NID2: variants seen among roughly 807,000 people sequenced by gnomAD.
NID2 encodes the protein nidogen-2.
A neutral mutation model predicts 145.4 loss-of-function variants in NID2; 83 were observed. That is an observed-to-expected ratio of 0.57 (90% CI 0.48 to 0.69). NID2 has a LOEUF of 0.69. Among genes scored for constraint, NID2 ranks in the 30% least tolerant of loss-of-function variants. The probability of loss-of-function intolerance (pLI) is 0.00; values close to 1 mark genes in which losing one functional copy is unlikely to be tolerated. For synonymous variants in NID2, 739 were observed against 701.3 expected (o/e 1.05, Z -0.85); for missense variants, 1,807 against 1,765.7 (o/e 1.02, Z -0.42).
chr14:52,037,765 C>T (rs994111256), intron 9 of NID2, among the ~76,000 whole-genome samples: 2 of 152,218 alleles, frequency 1.3e-5, no homozygotes, highest in African/African-American at 4.8e-5. Flanking sequence ...AGTATTAAGT[C>T]TTCCAATCCA....
intron 2 of NID2, among the ~76,000 whole-genome samples, chr14:52,066,940 T>C (rs1372227682): frequency 6.6e-6 from 1 of 152,208 alleles, no homozygotes; most frequent in East Asian, 1.9e-4. Context: ...TGGAATTTTT[T>C]ACTTTCCGCA....
chr14:52,012,920 T>TA (rs936448635), intron 16 of NID2, among the ~76,000 whole-genome samples: 4 of 152,154 alleles, frequency 2.6e-5, no homozygotes, highest in African/African-American at 9.7e-5. Flanking sequence ...TGGCTTCACT[T>TA]ACGCCCCCTG....
At position 52,038,911 on chromosome 14, in the gene NID2, T is replaced by G; in HGVS notation, c.2093A>C (p.Tyr698Ser). 6.8e-6 allele frequency: 11 copies of G among 1,614,116 alleles called. No homozygotes were observed. The highest frequency in any genetic ancestry group is 9.3e-6 in the Non-Finnish European group (11 of 1,180,024). The change falls in exon 9 of 22, where the codon TAC (tyrosine) becomes TCC (serine). Residue 698 changes from tyrosine (Y) to serine (S), a missense_variant. Physicochemically the swap from Tyr to Ser is moderately radical, Grantham distance 144. Transcript: ENST00000216286. ...GTAAGTGATGTTCTGGTGGATGCGG[T>G]AGGACCATGTTTGGTTGATTGCACC... ...TFGAINQTWS[Y>S]RIHQNITYQV...
intron 14 of NID2, among the ~76,000 whole-genome samples, chr14:52,017,855 T>C (rs187390398): frequency 6.6e-6 from 1 of 152,102 alleles, no homozygotes; most frequent in African/African-American, 2.4e-5. Context: ...AGTCTCACTC[T>C]GTTGCCAGGC....
chr14:52,061,333 GGTTA>G (rs1420475271), intron 2 of NID2, among the ~76,000 whole-genome samples: 1 of 152,106 alleles, frequency 6.6e-6, no homozygotes, highest in Admixed American at 6.5e-5. Flanking sequence ...CATTATGCTT[GGTTA>G]GTTGTTTATA....
chr14:52,011,881 A>G lies in NID2; in HGVS notation c.3421-198T>C, dbSNP rs1171362752. 1.0e-5 allele frequency: 6 copies of G among 596,250 alleles called. No homozygotes were observed. In the South Asian group the frequency reaches 1.0e-4, roughly 10 times the overall value. The allele number at this position is 596,250 out of a possible 1,614,324, so 36.9% of individuals were successfully genotyped here. ...ACTTAGTAGCCATGTGGCTTTGGGC[A>G]TTTAACCTCTATGCGTTTGTCTCAT... On this transcript the variant is annotated intron_variant, in intron 16 of 21. Transcript: ENST00000216286.
rs748833638 is a variant in NID2, at chr14:52,053,536, G to T, written c.1429+43C>A. ...TCACAACGCTATGCAAAACCAGCAT[G>T]GTTAAGATGAAACCTTAGCACCCAG... On this transcript the variant is annotated intron_variant, in intron 5 of 21. Coordinates refer to ENST00000216286, the MANE Select transcript of NID2 (RefSeq NM_007361.4). The T allele has an allele frequency of 2.0e-5, 32 of 1,564,280 alleles. No homozygotes were observed. The South Asian group carries it at 3.9e-4, about 19-fold the overall frequency.
At chr14:52,045,229 AG>A (rs1269114014) in intron 5 of NID2, among the ~76,000 whole-genome samples, 6 of 152,204 alleles carry the variant, frequency 3.9e-5, no homozygotes. Context: ...TGACTATTAC[AG>A]CATGTTGAAA....
At chr14:52,006,386 G>A in intron 20 of NID2, 151 bp downstream of exon 20, 6 of 787,784 alleles carry the variant, frequency 7.6e-6, no homozygotes, top group Non-Finnish European at 1.2e-5. Flanking sequence ...AAACATCCTT[G>A]AAGGATCTTA....
chr14:52,055,941 T>TCGTGTGTGTTTGTG (rs1892829878), intron 3 of NID2, among the ~76,000 whole-genome samples: 1 of 150,490 alleles, frequency 6.6e-6, no homozygotes, highest in Non-Finnish European at 1.5e-5. Context: ...TTGTGTGTGT[T>TCGTGTGTGTTTGTG]TGTGTGTGTG....
At chr14:52,068,415 C>A (rs1392210537) in intron 1 of NID2, among the ~76,000 whole-genome samples, 2 of 152,256 alleles carry the variant, frequency 1.3e-5, no homozygotes, top group African/African-American at 4.8e-5. Flanking sequence ...GCCCCATGTC[C>A]TCGGAGAGGA....
At chr14:52,011,397 T>C (rs1891013651) in intron 17 of NID2, among the ~76,000 whole-genome samples, 157 bp downstream of exon 17, 4 of 152,150 alleles carry the variant, frequency 2.6e-5, no homozygotes, top group Admixed American at 1.3e-4. Flanking sequence ...AGGTGTTTGC[T>C]TACAGAGGGG....
In NID2 at chr14:52,047,461, G is replaced by T. The variant is rs943954284; in HGVS notation, c.1430-4530C>A. 5.9e-5 allele frequency among the ~76,000 whole-genome samples: 9 copies of T among 152,106 alleles called. No homozygotes were observed. The East Asian group carries it at 1.7e-3, about 29-fold the overall frequency. On this transcript the variant is annotated intron_variant, in intron 5 of 21. Coordinates refer to ENST00000216286, the MANE Select transcript of NID2 (RefSeq NM_007361.4). Reference sequence around the variant, plus strand: ...AGGTGGCCTGGGTCATTCATGCAGGGTCTCAGAGATCACAGGAAGGATTTG... The same window carrying T: ...AGGTGGCCTGGGTCATTCATGCAGGTTCTCAGAGATCACAGGAAGGATTTG...
chr14:52,019,993 T>C, intron 13 of NID2, 66 bp downstream of exon 13: 1 of 1,589,702 alleles, frequency 6.3e-7, no homozygotes, highest in East Asian at 2.3e-5. Context: ...GAGTGGGCTG[T>C]CATAGAAAAA....
chr14:52,057,881 A>C (rs1892908430), intron 3 of NID2, among the ~76,000 whole-genome samples: 1 of 152,174 alleles, frequency 6.6e-6, no homozygotes, highest in Non-Finnish European at 1.5e-5. Context: ...GTGAAATAGA[A>C]GATTATATTG....
chr14:52,030,567 A>AAGAAAGAAAGAAG (rs1185429260), intron 9 of NID2, among the ~76,000 whole-genome samples: 1 of 99,272 alleles, frequency 1.0e-5, no homozygotes, highest in African/African-American at 3.9e-5. Flanking sequence ...AAAGAAAGAA[A>AAGAAAGAAAGAAG]GGAAGGAAGG....
intron 5 of NID2, 42 bp from the exon 6 acceptor site, chr14:52,042,973 TC>T: frequency 6.2e-7 from 1 of 1,600,694 alleles, no homozygotes; most frequent in Non-Finnish European, 8.6e-7. Context: ...ACTAAATGAT[TC>T]CAATGTCACT....
At chr14:52,014,224 G>A (rs772656367) in intron 16 of NID2, 63 bp downstream of exon 16, 28 of 1,604,416 alleles carry the variant, frequency 1.7e-5, no homozygotes, top group Non-Finnish European at 2.2e-5. Flanking sequence ...AACAGGGCCT[G>A]TGAGGTGGCT....
At chr14:52,019,331 A>G (rs1240094010) in intron 13 of NID2, 37 bp from the exon 14 acceptor site, 1 of 1,506,642 alleles carries the variant, frequency 6.6e-7, no homozygotes, top group African/African-American at 1.4e-5. Flanking sequence ...ACAAAAGAGA[A>G]ATAGAAGGCA....
Sources: gnomAD v4.1 joint callset for allele counts (sites outside exome capture counted in the v4.1 genomes callset) on GRCh38, gnomAD v4.1.1 for gene constraint, MANE v1.5 for transcripts, NCBI Gene and HGNC (gene_info 2026-07-23, HGNC 2026-07-21) for gene names.